CPN1: variants seen among roughly 807,000 people sequenced by gnomAD.
CPN1 encodes carboxypeptidase N catalytic chain.
CPN1 carries 37 observed loss-of-function variants against 46.4 expected under a neutral mutation model. The observed-to-expected ratio is 0.80, with a 90% CI of 0.61 to 1.05. The LOEUF (loss-of-function observed/expected upper bound fraction) is 1.05. Among genes scored for constraint, CPN1 ranks in the 50% least tolerant of loss-of-function variants. CPN1 has a pLI of 0.00. For synonymous variants in CPN1, 224 were observed against 235.4 expected, an observed-to-expected ratio of 0.95 and a Z score of 0.44; for missense variants, 563 against 602.6, an observed-to-expected ratio of 0.93 and a Z score of 0.69.
intron 1 of CPN1, among the ~76,000 whole-genome samples, chr10:100,078,155 C>G (rs2041525891): frequency 6.6e-6 from 1 of 152,086 alleles, no homozygotes; most frequent in South Asian, 2.1e-4. Flanking sequence ...TCAAGCCATC[C>G]TCCCGCCTCA....
chr10:100,069,153 A>G (rs759761463), intron 3 of CPN1, among the ~76,000 whole-genome samples: 2 of 152,202 alleles, frequency 1.3e-5, no homozygotes, highest in African/African-American at 2.4e-5. Flanking sequence ...CAACCAAATG[A>G]TACTGCTTTC....
intron 7 of CPN1, among the ~76,000 whole-genome samples, 173 bp downstream of exon 7, chr10:100,054,174 C>T (rs1424401406): frequency 6.6e-6 from 1 of 152,142 alleles, no homozygotes; most frequent in South Asian, 2.1e-4. Context: ...TTTGATTCAG[C>T]CTCTTAATTT....
intron 6 of CPN1, among the ~76,000 whole-genome samples, chr10:100,056,405 A>T (rs1357254645): frequency 1.3e-5 from 2 of 152,130 alleles, no homozygotes; most frequent in East Asian, 1.9e-4. Flanking sequence ...CTTTCTTCAT[A>T]GCATTTCTCT....
chr10:100,043,749 CCTCAGCCT>C, intron 8 of CPN1, among the ~76,000 whole-genome samples: 1 of 152,016 alleles, frequency 6.6e-6, no homozygotes, highest in African/African-American at 2.4e-5. Flanking sequence ...GATCCCCCTG[CCTCAGCCT>C]CTCAGCCTCC....
intron 6 of CPN1, among the ~76,000 whole-genome samples, chr10:100,056,081 T>C (rs1225744659): frequency 6.6e-6 from 1 of 152,232 alleles, no homozygotes; most frequent in Non-Finnish European, 1.5e-5. Context: ...CTGTTTTTCA[T>C]AATGATTGTA....
intron 3 of CPN1, among the ~76,000 whole-genome samples, chr10:100,069,464 G>C (rs969424517): frequency 7.1e-6 from 1 of 141,174 alleles, no homozygotes; most frequent in Non-Finnish European, 1.5e-5. Context: ...CTGGGCGACA[G>C]AGCGAGACTC....
chr10:100,062,878 G>T (rs1010974033), intron 5 of CPN1, among the ~76,000 whole-genome samples: 4 of 151,634 alleles, frequency 2.6e-5, no homozygotes. Context: ...TGGGATTATA[G>T]GCATCAGTCA....
intron 5 of CPN1, among the ~76,000 whole-genome samples, chr10:100,061,350 C>T (rs139191597): frequency 3.5e-4 from 53 of 152,228 alleles, no homozygotes; most frequent in African/African-American, 7.9e-4. Flanking sequence ...ATATACACTT[C>T]GTATGTATCC....
chr10:100,055,614 T>C (rs1336599950), intron 6 of CPN1, among the ~76,000 whole-genome samples: 2 of 152,108 alleles, frequency 1.3e-5, no homozygotes, highest in Non-Finnish European at 2.9e-5. Flanking sequence ...AACCTCCACT[T>C]CCCGGGTTCA....
Position 100,057,043 on chromosome 10 carries a change from A to C in CPN1, c.981T>G (p.Asn327Lys). The change falls in exon 6 of 9, where the codon AAT becomes AAG. Residue 327 changes from asparagine to lysine, a missense_variant. Coordinates refer to ENST00000370418, the MANE Select transcript of CPN1 (RefSeq NM_001308.3). ...EEELQREWLG[N>K]REALIQFLEQ... is the part of the protein sequence containing the mutation. ...CCAGGAACTGGATTAGGGCTTCCCG[A>C]TTACCCAGCCACTCCCGCTGTAACT... is the stretch of plus-strand genomic sequence containing the variant. 3.7e-6 allele frequency: 6 copies of C among 1,614,168 alleles called. No individual in the cohort carries two copies. Among genetic ancestry groups the C allele is most frequent in the Non-Finnish European group, 4.2e-6 (5 of 1,180,026 alleles).
At position 100,065,187 on chromosome 10, in the gene CPN1, C is replaced by T. The variant is rs778917122; in HGVS notation, c.759+1G>A. On this transcript the variant is annotated splice_donor_variant, in intron 4 of 8. Transcript: ENST00000370418. LOFTEE classifies it high-confidence loss of function. ...GCGGGACAAGCTGCTTCTCCACATA[C>T]CTTCTGGAAGAGCTTGTCGTCAGGC... 1.6e-5 allele frequency: 25 copies of T among 1,612,228 alleles called. No homozygotes were observed. The South Asian group carries it at 1.8e-4, about 11-fold the overall frequency.
chr10:100,076,072 C>G lies in CPN1; in HGVS notation c.259G>C (p.Gly87Arg). The G allele has an allele frequency of 1.2e-6, 2 of 1,614,228 alleles. No individual in the cohort carries two copies. Among genetic ancestry groups the G allele is most frequent in the Non-Finnish European group, 1.7e-6 (2 of 1,180,054 alleles). Reference sequence around the variant, plus strand: ...AGCTCGCGGCCCAACGCTTCGTTGCCGTGCATGTTCCCCACATACTTGACC... The same window carrying G: ...AGCTCGCGGCCCAACGCTTCGTTGCGGTGCATGTTCCCCACATACTTGACC... ...PEVKYVGNMH[G>R]NEALGRELML... is the part of the protein sequence containing the mutation. Residue 87 changes from glycine to arginine, a missense_variant, in exon 2 of 9, where the codon GGC (glycine) becomes CGC (arginine). Physicochemically the swap from Gly to Arg is moderately radical, Grantham distance 125 (BLOSUM62 -2). Coordinates refer to ENST00000370418, the MANE Select transcript of CPN1 (RefSeq NM_001308.3).
At chr10:100,054,718 T>C (rs1351753571) in intron 6 of CPN1, among the ~76,000 whole-genome samples, 1 of 152,162 alleles carries the variant, frequency 6.6e-6, no homozygotes, top group Non-Finnish European at 1.5e-5. Context: ...CTAAAGTTCT[T>C]GTGATGGTCT....
At chr10:100,076,657 G>A (rs2041516934) in intron 1 of CPN1, among the ~76,000 whole-genome samples, 1 of 152,186 alleles carries the variant, frequency 6.6e-6, no homozygotes, top group South Asian at 2.1e-4. Context: ...AAAGTTTCTT[G>A]CTCCATCTGA....
At chr10:100,076,932 C>T (rs1255313255) in intron 1 of CPN1, among the ~76,000 whole-genome samples, 1 of 152,166 alleles carries the variant, frequency 6.6e-6, no homozygotes, top group Non-Finnish European at 1.5e-5. Context: ...TCTCTTGGGC[C>T]ATGTTAACTG....
In CPN1 at chr10:100,069,876, G is replaced by A; in HGVS notation, c.421-7C>T. On this transcript the variant is annotated splice_polypyrimidine_tract_variant and splice_region_variant and intron_variant, in intron 2 of 8. Transcript: ENST00000370418. ...ACCCAGGCTTGTTTGGGCCCTAAAG[G>A]AAAATGAAAAGATGAAAAATGAAGG... 1 of 1,612,750 alleles carries A rather than the reference G, an allele frequency of 6.2e-7. No individual in the cohort carries two copies. Among genetic ancestry groups the A allele is most frequent in the Non-Finnish European group, 8.5e-7 (1 of 1,179,830 alleles).
At chr10:100,078,102 G>T (rs1199255254) in intron 1 of CPN1, among the ~76,000 whole-genome samples, 1 of 151,880 alleles carries the variant, frequency 6.6e-6, no homozygotes, top group African/African-American at 2.4e-5. Flanking sequence ...CTGGAGTGCA[G>T]TGGCACAATC....
rs760572191 is a variant in CPN1, at chr10:100,064,671, G to A, written c.759+517C>T. ...GCTGGGATTACAGGCGTGAGCCACC[G>A]CACCAGGCCAATAATTACAAATTTA... On this transcript the variant is annotated intron_variant, in intron 4 of 8. Coordinates refer to ENST00000370418, the MANE Select transcript of CPN1 (RefSeq NM_001308.3). Among the ~76,000 whole-genome samples the A allele has an allele frequency of 3.3e-5, 5 of 151,568 alleles. No individual in the cohort carries two copies. The East Asian group carries it at 7.7e-4, about 23-fold the overall frequency.
Position 100,058,661 on chromosome 10 carries a change from G to A in CPN1, c.872-1509C>T, listed in dbSNP as rs186817844. 3.9e-5 allele frequency among the ~76,000 whole-genome samples: 6 copies of A among 152,184 alleles called. No individual in the cohort carries two copies. The East Asian group carries it at 1.2e-3, about 29-fold the overall frequency. ...TATCAAAATCCCAATGATGTTTGTT[G>A]CAAAAATAGAAAGCCCATCCTAAAA... On this transcript the variant is annotated intron_variant, in intron 5 of 8. Coordinates refer to ENST00000370418, the MANE Select transcript of CPN1 (RefSeq NM_001308.3).
Sources: allele counts gnomAD v4.1 joint callset (sites outside exome capture counted in the v4.1 genomes callset), GRCh38; gene constraint gnomAD v4.1.1; transcripts MANE v1.5; gene names NCBI Gene and HGNC (gene_info 2026-07-23, HGNC 2026-07-21).